Variants in EYS observed in about 807,000 individuals in gnomAD.
The protein encoded by EYS is EGF-like photoreceptor maintenance factor, also known as protein eyes shut homolog.
In EYS, 250 loss-of-function variants were observed where a neutral mutation model predicts 282.1. The observed-to-expected ratio is 0.89, with a 90% CI of 0.80 to 0.98. The LOEUF (loss-of-function observed/expected upper bound fraction) is 0.98, where lower values mean the gene tolerates loss of function less well. Ranked by LOEUF, EYS falls within the 50% of genes least tolerant of loss-of-function variation. The pLI is 0.00. For missense variants in EYS, 4,016 were observed against 3,709.0 expected (o/e 1.08, Z -2.15); for synonymous variants, 1,355 against 1,282.9 (o/e 1.06, Z -1.20).
chr6:64,730,540 G>A (rs773183016), intron 22 of EYS, among the ~76,000 whole-genome samples: 2 of 152,030 alleles, frequency 1.3e-5, no homozygotes, highest in African/African-American at 2.4e-5. Flanking sequence ...GTGCAGTGGC[G>A]CGATCTTGGC....
chr6:64,578,170 AAAT>A (rs758787007), intron 26 of EYS, among the ~76,000 whole-genome samples: 13 of 152,140 alleles, frequency 8.5e-5, no homozygotes, highest in Non-Finnish European at 1.8e-4. Context: ...GTGGTCACTC[AAAT>A]AATTTCACTT....
At chr6:65,598,720 A>C (rs1309224917) in intron 2 of EYS, among the ~76,000 whole-genome samples, 1 of 152,080 alleles carries the variant, frequency 6.6e-6, no homozygotes, top group Non-Finnish European at 1.5e-5. Flanking sequence ...TGTCCATTGG[A>C]CCAAAATCTG....
At chr6:65,387,566 T>A (rs1765848914) in intron 7 of EYS, among the ~76,000 whole-genome samples, 1 of 151,756 alleles carries the variant, frequency 6.6e-6, no homozygotes, top group African/African-American at 2.4e-5. Context: ...AAGCAAAAAA[T>A]TAGAAAAAAT....
At chr6:64,280,767 A>AG (rs1231618990) in intron 30 of EYS, among the ~76,000 whole-genome samples, 1 of 152,120 alleles carries the variant, frequency 6.6e-6, no homozygotes, top group Non-Finnish European at 1.5e-5. Flanking sequence ...ATCTAGCTCC[A>AG]GGGGGCACTG....
Position 64,632,891 on chromosome 6 carries a change from G to A in EYS, c.3444-6646C>T, listed in dbSNP as rs1360272058. On this transcript the variant is annotated intron_variant, in intron 22 of 42. Coordinates refer to ENST00000503581, the MANE Select transcript of EYS (RefSeq NM_001142800.2). The stretch of plus-strand genomic sequence containing the variant: ...ATGCTCTAAATTTTTAAAAATACAG[G>A]TATTTTAAACTCATTTCATTGCTTT... Among the ~76,000 whole-genome samples the A allele has an allele frequency of 2.0e-5, 3 of 152,000 alleles. No homozygotes were observed. In the East Asian group the frequency reaches 5.8e-4, roughly 29 times the overall value.
intron 26 of EYS, among the ~76,000 whole-genome samples, chr6:64,440,379 C>A (rs1774899790): frequency 6.6e-6 from 1 of 151,512 alleles, no homozygotes; most frequent in East Asian, 1.9e-4. Context: ...AACCAGCAAG[C>A]CTCAAATTAA....
chr6:64,674,690 T>C lies in EYS; in HGVS notation c.3444-48445A>G, dbSNP rs1583026016. ...GCATAGAAACCTCTTAAAACTATAC[T>C]TTTCTTTTATCTGTTATGCCTCTAA... On this transcript the variant is annotated intron_variant, in intron 22 of 42. Transcript: ENST00000503581. 2.6e-5 allele frequency among the ~76,000 whole-genome samples: 4 copies of C among 151,710 alleles called. No homozygotes were observed. The East Asian group carries it at 7.7e-4, about 29-fold the overall frequency.
At chr6:65,210,017 T>C (rs1378413873) in intron 12 of EYS, among the ~76,000 whole-genome samples, 1 of 152,002 alleles carries the variant, frequency 6.6e-6, no homozygotes, top group Non-Finnish European at 1.5e-5. Context: ...TAGAGCATTT[T>C]AACTTTGTAC....
At chr6:64,913,423 T>C (rs1471783433) in intron 15 of EYS, among the ~76,000 whole-genome samples, 1 of 152,070 alleles carries the variant, frequency 6.6e-6, no homozygotes, top group Non-Finnish European at 1.5e-5. Context: ...TGCTCACTTT[T>C]GGAGTTCTCA....
At chr6:65,306,122 G>A (rs1343718975) in intron 11 of EYS, among the ~76,000 whole-genome samples, 1 of 152,196 alleles carries the variant, frequency 6.6e-6, no homozygotes, top group African/African-American at 2.4e-5. Context: ...TAATCAGGAG[G>A]AAGAGGAAGG....
chr6:65,228,138 G>T (rs1006266660), intron 12 of EYS, among the ~76,000 whole-genome samples: 1 of 152,012 alleles, frequency 6.6e-6, no homozygotes, highest in African/African-American at 2.4e-5. Context: ...TATAGCTAGC[G>T]CAGTCTATGT....
At chr6:64,065,102 T>C (rs1049320829) in intron 33 of EYS, among the ~76,000 whole-genome samples, 1 of 152,326 alleles carries the variant, frequency 6.6e-6, no homozygotes, top group African/African-American at 2.4e-5. Flanking sequence ...TTACTGAGTA[T>C]CTCCTATTTG....
At chr6:64,938,196 T>C (rs770062702) in intron 15 of EYS, among the ~76,000 whole-genome samples, 16 of 151,628 alleles carry the variant, frequency 1.1e-4, no homozygotes, top group Admixed American at 2.0e-4. Context: ...TAACATTAGA[T>C]AGTGGTGATC....
chr6:65,299,268 T>C (rs1298364052), intron 11 of EYS, among the ~76,000 whole-genome samples: 2 of 152,178 alleles, frequency 1.3e-5, no homozygotes, highest in East Asian at 3.8e-4. Flanking sequence ...ATTTACCTTT[T>C]TGTTTTCCTA....
intron 35 of EYS, among the ~76,000 whole-genome samples, chr6:63,908,036 TTGTGTGTGTG>T (rs59753065): frequency 0.26 from 20,519 of 78,504 alleles, 2,003 homozygotes; most frequent in African/African-American, 0.4. Context: ...ATATATACGT[TTGTGTGTGTG>T]TGTGTGTGTG....
rs191347869 is a variant in EYS at position 64,841,113 on chromosome 6, G to C, written c.2993-18291C>G. Among the ~76,000 whole-genome samples the C allele has an allele frequency of 3.2e-4, 49 of 151,938 alleles. No individual in the cohort carries two copies. The East Asian group carries it at 8.7e-3, about 27-fold the overall frequency. ...AAAGATACATGTTTTATGTACCTGT[G>C]TCTAATACATAAAAATAGTAAGATC... On this transcript the variant is annotated intron_variant, in intron 19 of 42. Coordinates refer to ENST00000503581, the MANE Select transcript of EYS (RefSeq NM_001142800.2).
At chr6:65,294,863 T>A (rs1019576699) in intron 12 of EYS, among the ~76,000 whole-genome samples, 3 of 151,948 alleles carry the variant, frequency 2.0e-5, no homozygotes, top group Admixed American at 2.0e-4. Context: ...ACTTAGAATA[T>A]GTTTGAATGT....
At chr6:63,942,497 A>T (rs1444948602) in intron 35 of EYS, among the ~76,000 whole-genome samples, 1 of 152,162 alleles carries the variant, frequency 6.6e-6, no homozygotes, top group Non-Finnish European at 1.5e-5. Flanking sequence ...CTTGGTGGAG[A>T]TGTGTGCTTC....
At chr6:64,409,601 T>G (rs576679121) in intron 28 of EYS, among the ~76,000 whole-genome samples, 70 of 152,302 alleles carry the variant, frequency 4.6e-4, no homozygotes, top group African/African-American at 1.6e-3. Context: ...AGGCTTTGGT[T>G]GAACTAACTT....
Sources: gnomAD v4.1 joint callset for allele counts (sites outside exome capture counted in the v4.1 genomes callset) on GRCh38, gnomAD v4.1.1 for gene constraint, MANE v1.5 for transcripts, NCBI Gene and HGNC (gene_info 2026-07-23, HGNC 2026-07-21) for gene names.